The following SPON1 variants were observed in gnomAD, a reference collection of about 807,000 sequenced individuals.
SPON1 encodes spondin-1.
In SPON1, 52 loss-of-function variants were observed where a neutral mutation model predicts 111.7. The ratio of observed to expected loss-of-function variants is 0.47; its 90% CI spans 0.37 to 0.59. The LOEUF is 0.59. Among genes scored for constraint, SPON1 ranks in the 20% least tolerant of loss-of-function variants. The pLI is 0.00. For synonymous variants in SPON1, 410 were observed against 395.8 expected, an observed-to-expected ratio of 1.04 and a Z score of -0.43; for missense variants, 957 against 1,068.5, an observed-to-expected ratio of 0.90 and a Z score of 1.46.
At chr11:14,173,300 G>A (rs1464277857) in intron 6 of SPON1, among the ~76,000 whole-genome samples, 1 of 152,126 alleles carries the variant, frequency 6.6e-6, no homozygotes, top group Non-Finnish European at 1.5e-5. Context: ...ACTGAGGCTT[G>A]TGCATTCGTC....
At chr11:14,242,566 T>G (rs918604899) in intron 6 of SPON1, among the ~76,000 whole-genome samples, 2 of 152,164 alleles carry the variant, frequency 1.3e-5, no homozygotes, top group African/African-American at 4.8e-5. Flanking sequence ...ATGGCACCCC[T>G]CACCCGCAGT....
chr11:14,259,402 A>C lies in SPON1; in HGVS notation c.1615A>C (p.Thr539Pro), dbSNP rs573223777. The change falls in exon 12 of 16, where the codon ACG becomes CCG. Residue 539 changes from threonine to proline, a missense_variant. Physicochemically the swap from Thr to Pro is conservative, Grantham distance 38. Transcript: ENST00000576479. This position sits in a 1 kb window ranked among gnomAD's most constrained non-coding sequence, Gnocchi z 5.0. ...KQFPEDGSVC[T>P]LPTEETEKCT... ...GTTCCCGGAGGACGGCTCCGTGTGC[A>C]CGCTGCCCACTGAGGAAACGGAGAA... 6.2e-6 allele frequency: 10 copies of C among 1,611,294 alleles called. No homozygotes were observed. The Admixed American group carries it at 1.0e-4, about 16-fold the overall frequency.
chr11:14,063,437 C>T (rs1454187457), intron 3 of SPON1, among the ~76,000 whole-genome samples: 2 of 152,152 alleles, frequency 1.3e-5, no homozygotes, highest in Non-Finnish European at 2.9e-5. Flanking sequence ...CTTCCCTTCT[C>T]CCACTCTTCC....
intron 3 of SPON1, among the ~76,000 whole-genome samples, chr11:14,041,993 A>G (rs1260664354): frequency 2.0e-5 from 3 of 151,926 alleles, no homozygotes; most frequent in African/African-American, 7.3e-5. Flanking sequence ...CTTTTCTCGG[A>G]ACATACAGCA....
intron 7 of SPON1, among the ~76,000 whole-genome samples, chr11:14,252,918 G>A (rs1327686454): frequency 6.6e-6 from 1 of 152,236 alleles, no homozygotes; most frequent in East Asian, 1.9e-4. Context: ...TCAAGAATCT[G>A]TATTTCTAAC....
At chr11:14,107,671 A>G (rs1554925068) in intron 5 of SPON1, among the ~76,000 whole-genome samples, 1 of 151,984 alleles carries the variant, frequency 6.6e-6, no homozygotes, top group Non-Finnish European at 1.5e-5. Flanking sequence ...CTAAAATAGG[A>G]AGGTGGGAGA....
At chr11:13,969,215 CAA>C (rs3047401) in intron 1 of SPON1, among the ~76,000 whole-genome samples, 212 of 106,922 alleles carry the variant, frequency 2.0e-3, no homozygotes, top group African/African-American at 4.6e-3. Context: ...CCCATCTCTA[CAA>C]AAAAAAAAAA....
At chr11:14,116,064 A>T (rs528486614) in intron 5 of SPON1, among the ~76,000 whole-genome samples, 1 of 152,086 alleles carries the variant, frequency 6.6e-6, no homozygotes. Context: ...AGATGTTTTG[A>T]TCGTTTTTCT....
chr11:14,235,417 G>A (rs1471867757), intron 6 of SPON1, among the ~76,000 whole-genome samples: 3 of 152,208 alleles, frequency 2.0e-5, no homozygotes, highest in South Asian at 2.1e-4. Flanking sequence ...GGTGGCTCAC[G>A]CCTGTAATCC....
chr11:13,992,715 G>T (rs1416335132), intron 2 of SPON1, among the ~76,000 whole-genome samples: 1 of 152,146 alleles, frequency 6.6e-6, no homozygotes, highest in African/African-American at 2.4e-5. Context: ...AAGTCTCCTG[G>T]TTTGTGGGTT....
At chr11:14,211,427 T>TTCAC (rs1848576209) in intron 6 of SPON1, among the ~76,000 whole-genome samples, 1 of 152,112 alleles carries the variant, frequency 6.6e-6, no homozygotes, top group Non-Finnish European at 1.5e-5. Context: ...TTACAAGGGA[T>TTCAC]GTGAAGGACC....
intron 5 of SPON1, among the ~76,000 whole-genome samples, chr11:14,089,437 T>C (rs1367890442): frequency 2.0e-5 from 3 of 152,216 alleles, no homozygotes; most frequent in African/African-American, 7.2e-5. Flanking sequence ...CTCCAGACCC[T>C]GTTCTCGTGG....
chr11:14,218,618 C>T (rs770994861), intron 6 of SPON1, among the ~76,000 whole-genome samples: 1 of 152,108 alleles, frequency 6.6e-6, no homozygotes, highest in African/African-American at 2.4e-5. Context: ...ACCCTAGCAG[C>T]CAGTATATTT....
chr11:14,024,467 C>T (rs1213287056), intron 2 of SPON1, among the ~76,000 whole-genome samples: 2 of 152,008 alleles, frequency 1.3e-5, no homozygotes, highest in African/African-American at 4.8e-5. Flanking sequence ...GTGGTCTTCC[C>T]CTGGAGTCAG....
At chr11:14,235,978 C>G (rs1282271041) in intron 6 of SPON1, among the ~76,000 whole-genome samples, 1 of 152,008 alleles carries the variant, frequency 6.6e-6, no homozygotes, top group Admixed American at 6.5e-5. Flanking sequence ...TCCAGGATGC[C>G]GAAACCCAGG....
At chr11:14,174,738 G>T (rs182090480) in intron 6 of SPON1, among the ~76,000 whole-genome samples, 1 of 152,252 alleles carries the variant, frequency 6.6e-6, no homozygotes, top group East Asian at 1.9e-4. Flanking sequence ...AGAAAAACAA[G>T]TTCCAAGAAG....
chr11:14,154,786 A>C (rs1333870303), intron 6 of SPON1, among the ~76,000 whole-genome samples: 1 of 152,112 alleles, frequency 6.6e-6, no homozygotes, highest in East Asian at 1.9e-4. Context: ...TTTAAGTATA[A>C]GTTTTAGTGT....
intron 6 of SPON1, among the ~76,000 whole-genome samples, chr11:14,158,264 G>A (rs956077190): frequency 1.3e-5 from 2 of 152,024 alleles, no homozygotes; most frequent in Non-Finnish European, 2.9e-5. Flanking sequence ...CTCACTTAAA[G>A]CCTGTAGTGC....
chr11:14,094,332 A>G (rs1269419597), intron 5 of SPON1, among the ~76,000 whole-genome samples: 2 of 152,014 alleles, frequency 1.3e-5, no homozygotes, highest in Non-Finnish European at 2.9e-5. Context: ...ATCAAAGGAT[A>G]TGGATTTTTC....
Sources: gnomAD v4.1 joint callset for allele counts (sites outside exome capture counted in the v4.1 genomes callset) on GRCh38, gnomAD v4.1.1 for gene constraint, Gnocchi (gnomAD v3.1) non-coding constraint, MANE v1.5 for transcripts, NCBI Gene and HGNC (gene_info 2026-07-23, HGNC 2026-07-21) for gene names.